Variants in CFL2 observed in about 807,000 individuals in gnomAD.
CFL2 encodes the protein cofilin 2, also known as cofilin-2.
Under a neutral mutation model 19.6 loss-of-function variants are expected in CFL2, and 10 were observed. That is an observed-to-expected ratio of 0.51 (90% CI 0.31 to 0.86). CFL2 has a LOEUF of 0.86. Among genes scored for constraint, CFL2 ranks in the 40% least tolerant of loss-of-function variants. The pLI is 0.04. For synonymous variants in CFL2, 63 were observed against 66.7 expected, an observed-to-expected ratio of 0.95 and a Z score of 0.27; for missense variants, 125 against 192.1, an observed-to-expected ratio of 0.65 and a Z score of 2.06.
Position 34,710,894 on chromosome 14 carries a change from T to C in CFL2, c.*1971A>G, listed in dbSNP as rs1885263443. The C allele has an allele frequency of 4.4e-6, 2 of 453,978 alleles. No individual in the cohort carries two copies. Among genetic ancestry groups the C allele is most frequent in the South Asian group, 3.1e-5 (2 of 64,478 alleles). The allele number at this position is 453,978 out of a possible 1,614,324, so 28.1% of individuals were successfully genotyped here. A position where few individuals can be genotyped will look rare whatever the true frequency, so the allele number is the denominator to read the frequency against. Reference sequence around the variant, plus strand: ...AATAACTCAATGAAAAATTCCATGGTGCCAAGTATCAGTTACACATATGGT... The same window carrying C: ...AATAACTCAATGAAAAATTCCATGGCGCCAAGTATCAGTTACACATATGGT... On this transcript the variant is annotated 3_prime_UTR_variant, in exon 4 of 4. Coordinates refer to ENST00000298159, the MANE Select transcript of CFL2 (RefSeq NM_138638.5).
Position 34,711,471 on chromosome 14 carries a change from AT to A in CFL2, c.*1393del, listed in dbSNP as rs5807790. 339,055 of 454,354 alleles carry A rather than the reference AT, an allele frequency of 0.75. 129,835 individuals carry two copies. The highest frequency in any genetic ancestry group is 0.83 in the Middle Eastern group (1,198 of 1,444). The allele number at this position is 454,354 out of a possible 1,614,324, so 28.1% of individuals were successfully genotyped here. A position where few individuals can be genotyped will look rare whatever the true frequency, so the allele number is the denominator to read the frequency against. On this transcript the variant is annotated 3_prime_UTR_variant, in exon 4 of 4. Transcript: ENST00000298159. ...CCCACTACTAATGTTTAAGACTGCT[AT>A]TATCAATTCCTATTCCAATTCAATT...
chr14:34,712,139 C>T lies in CFL2; in HGVS notation c.*726G>A, dbSNP rs1361457387. 1 of 454,482 alleles carries T rather than the reference C, an allele frequency of 2.2e-6. No individual in the cohort carries two copies. Among genetic ancestry groups the T allele is most frequent in the Admixed American group, 2.3e-5 (1 of 42,560 alleles). 28.2% of individuals were successfully genotyped at this position (454,482 alleles called of 1,614,324 possible). On this transcript the variant is annotated 3_prime_UTR_variant, in exon 4 of 4. Transcript: ENST00000298159. ...CCATCATGACTGATATTCAAAATAT[C>T]TTTAGTGTTGCAGGACTCACATGGT...
chr14:34,712,002 G>A lies in CFL2; in HGVS notation c.*863C>T, dbSNP rs1420518658. On this transcript the variant is annotated 3_prime_UTR_variant, in exon 4 of 4. Coordinates refer to ENST00000298159, the MANE Select transcript of CFL2 (RefSeq NM_138638.5). Reference sequence around the variant, plus strand: ...TTGCAAAATTTCCAAGGAAAACAAGGCAACGTTCTGTAATATGCCACAATT... The same window carrying A: ...TTGCAAAATTTCCAAGGAAAACAAGACAACGTTCTGTAATATGCCACAATT... 2 of 454,276 alleles carry A rather than the reference G, an allele frequency of 4.4e-6. No homozygotes were observed. The highest frequency in any genetic ancestry group is 2.0e-5 in the African/African-American group (1 of 49,972). 28.1% of individuals were successfully genotyped at this position (454,276 alleles called of 1,614,324 possible).
At position 34,711,829 on chromosome 14, in the gene CFL2, C is replaced by T. The variant is rs150492527; in HGVS notation, c.*1036G>A. The T allele has an allele frequency of 4.8e-3, 2,167 of 453,706 alleles. 9 individuals are homozygous for T. The highest frequency in any genetic ancestry group is 0.024 in the Middle Eastern group (35 of 1,440). The allele number at this position is 453,706 out of a possible 1,614,324, so 28.1% of individuals were successfully genotyped here. On this transcript the variant is annotated 3_prime_UTR_variant, in exon 4 of 4. Coordinates refer to ENST00000298159, the MANE Select transcript of CFL2 (RefSeq NM_138638.5). ...AACAATGGTATTTTATATTAGTTGG[C>T]CTTAAGATAGAATACTTTTTAAACC...
At chr14:34,713,887 T>A in intron 1 of CFL2, 4 of 1,391,580 alleles carry the variant, frequency 2.9e-6, no homozygotes, top group Non-Finnish European at 3.8e-6. Flanking sequence ...CCTTCTGTAT[T>A]GTGTCAACTC....
chr14:34,714,455 TA>T, intron 1 of CFL2, 82 bp downstream of exon 1: 2 of 1,501,716 alleles, frequency 1.3e-6, no homozygotes, highest in Middle Eastern at 2.2e-4. Flanking sequence ...AAAATCAGGT[TA>T]AAATGGCGGC....
rs1019833263 is a variant in CFL2, at chr14:34,714,478, G to A, written c.3+60C>T. On this transcript the variant is annotated intron_variant, in intron 1 of 3. Transcript: ENST00000298159. ...GTTAAAATGGCGGCCTCACTCCCGG[G>A]GCCGTGCGGGGGGCTTTTCTCGCCT... 4 of 1,532,972 alleles carry A rather than the reference G, an allele frequency of 2.6e-6. No individual in the cohort carries two copies. In the African/African-American group the frequency reaches 4.3e-5, roughly 16 times the overall value. The allele number at this position is 1,532,972 out of a possible 1,614,324, so 95.0% of individuals were successfully genotyped here.
rs1885311116 is a variant in CFL2, at chr14:34,711,924, T to C, written c.*941A>G. 1 of 454,330 alleles carries C rather than the reference T, an allele frequency of 2.2e-6. No individual in the cohort carries two copies. The highest frequency in any genetic ancestry group is 2.0e-5 in the African/African-American group (1 of 50,002). 28.1% of individuals were successfully genotyped at this position (454,330 alleles called of 1,614,324 possible). The stretch of plus-strand genomic sequence containing the variant: ...ACAAAAAAAATTCTCAAATGACCAG[T>C]GCAGAGATTAGTAATAGCTGTTTTT... On this transcript the variant is annotated 3_prime_UTR_variant, in exon 4 of 4. Coordinates refer to ENST00000298159, the MANE Select transcript of CFL2 (RefSeq NM_138638.5).
Position 34,711,777 on chromosome 14 carries a change from CTAA to C in CFL2, c.*1085_*1087del, listed in dbSNP as rs1333216118. On this transcript the variant is annotated 3_prime_UTR_variant, in exon 4 of 4. Coordinates refer to ENST00000298159, the MANE Select transcript of CFL2 (RefSeq NM_138638.5). ...TATTAACACATAGGAAATAAATACA[CTAA>C]TGTTTATAAAAGTACCATTCTTTAA... The C allele has an allele frequency of 6.7e-6, 3 of 445,948 alleles. No homozygotes were observed. The highest frequency in any genetic ancestry group is 2.5e-5 in the Admixed American group (1 of 40,378). The allele number at this position is 445,948 out of a possible 1,614,324, so 27.6% of individuals were successfully genotyped here.
intron 1 of CFL2, chr14:34,713,831 T>TGGAAAC: frequency 6.4e-7 from 1 of 1,557,264 alleles, no homozygotes; most frequent in Non-Finnish European, 8.7e-7. Context: ...AAATGTTTCC[T>TGGAAAC]ATTTCACTGG....
chr14:34,711,923 G>C lies in CFL2; in HGVS notation c.*942C>G, dbSNP rs1367157528. On this transcript the variant is annotated 3_prime_UTR_variant, in exon 4 of 4. Coordinates refer to ENST00000298159, the MANE Select transcript of CFL2 (RefSeq NM_138638.5). Reference sequence around the variant, plus strand: ...TACAAAAAAAATTCTCAAATGACCAGTGCAGAGATTAGTAATAGCTGTTTT... The same window carrying C: ...TACAAAAAAAATTCTCAAATGACCACTGCAGAGATTAGTAATAGCTGTTTT... The C allele has an allele frequency of 2.2e-6, 1 of 454,376 alleles. No homozygotes were observed. Among genetic ancestry groups the C allele is most frequent in the Admixed American group, 2.3e-5 (1 of 42,560 alleles). The allele number at this position is 454,376 out of a possible 1,614,324, so 28.1% of individuals were successfully genotyped here. A position where few individuals can be genotyped will look rare whatever the true frequency, so the allele number is the denominator to read the frequency against.
intron 2 of CFL2, 54 bp from the exon 3 acceptor site, chr14:34,713,190 G>C: frequency 6.5e-7 from 1 of 1,547,918 alleles, no homozygotes; most frequent in South Asian, 1.2e-5. Context: ...ACAAAGGTAA[G>C]ACTGACTATG....
Position 34,712,848 on chromosome 14 carries a change from G to A in CFL2, c.*17C>T, listed in dbSNP as rs1333180131. On this transcript the variant is annotated 3_prime_UTR_variant, in exon 4 of 4. Transcript: ENST00000298159. ...AATGGAAGCTCCTTAAGATCCAGAT[G>A]GCACTTGACTGTCATTTTATAATGG... 1.6e-6 allele frequency: 2 copies of A among 1,266,774 alleles called. No individual in the cohort carries two copies. The highest frequency in any genetic ancestry group is 2.3e-6 in the Non-Finnish European group (2 of 862,992). The allele number at this position is 1,266,774 out of a possible 1,614,324, so 78.5% of individuals were successfully genotyped here.
In CFL2 at chr14:34,710,792, A is replaced by T. The variant is rs746602646; in HGVS notation, c.*2073T>A. ...TGAAATTACTAGAGGCATACAAGAA[A>T]GTTAAGGAATCAGCTACAAAAACAA... On this transcript the variant is annotated 3_prime_UTR_variant, in exon 4 of 4. Transcript: ENST00000298159. The T allele has an allele frequency of 2.2e-6, 1 of 452,330 alleles. No homozygotes were observed. Among genetic ancestry groups the T allele is most frequent in the South Asian group, 1.6e-5 (1 of 63,876 alleles). The allele number at this position is 452,330 out of a possible 1,614,324, so 28.0% of individuals were successfully genotyped here. A position where few individuals can be genotyped will look rare whatever the true frequency, so the allele number is the denominator to read the frequency against.
Position 34,712,945 on chromosome 14 carries a change from C to G in CFL2, c.421G>C (p.Asp141His). The change falls in exon 4 of 4, where the codon GAT (aspartate) becomes CAT (histidine). Residue 141 changes from aspartate (D) to histidine (H), a missense_variant. Transcript: ENST00000298159. ...AGTGTCGAACGGTCCTTAATATCAT[C>G]CAAGCCATTTACTTGCCACTCATGT... is the stretch of plus-strand genomic sequence containing the variant. ...IKHEWQVNGL[D>H]DIKDRSTLGE... is the part of the protein sequence containing the mutation. The G allele has an allele frequency of 1.9e-6, 3 of 1,611,148 alleles. No individual in the cohort carries two copies. The highest frequency in any genetic ancestry group is 2.5e-6 in the Non-Finnish European group (3 of 1,177,312).
At chr14:34,714,469 C>T (rs1387981228) in intron 1 of CFL2, 69 bp downstream of exon 1, 2 of 1,512,478 alleles carry the variant, frequency 1.3e-6, no homozygotes, top group South Asian at 1.2e-5. Context: ...ATGGCGGCCT[C>T]ACTCCCGGGG....
chr14:34,710,914 T>A lies in CFL2; in HGVS notation c.*1951A>T, dbSNP rs963565613. ...CATGGTGCCAAGTATCAGTTACACA[T>A]ATGGTTAAGTATACGTCAGTATTCT... is the stretch of plus-strand genomic sequence containing the variant. On this transcript the variant is annotated 3_prime_UTR_variant, in exon 4 of 4. Coordinates refer to ENST00000298159, the MANE Select transcript of CFL2 (RefSeq NM_138638.5). 4 of 453,984 alleles carry A rather than the reference T, an allele frequency of 8.8e-6. No individual in the cohort carries two copies. The highest frequency in any genetic ancestry group is 1.8e-5 in the Non-Finnish European group (4 of 226,806). 28.1% of individuals were successfully genotyped at this position (453,984 alleles called of 1,614,324 possible).
intron 1 of CFL2, 122 bp from the exon 2 acceptor site, chr14:34,713,683 C>T (rs751383784): frequency 1.2e-6 from 2 of 1,612,902 alleles, no homozygotes; most frequent in African/African-American, 1.3e-5. Context: ...CCATGTAAGT[C>T]GTCCAATCAG....
chr14:34,713,907 T>TA (rs1885406413), intron 1 of CFL2: 11 of 1,223,756 alleles, frequency 9.0e-6, no homozygotes, highest in Admixed American at 2.9e-5. Flanking sequence ...CGGCTGGCCT[T>TA]AAAAAAACAC....
Sources: allele counts gnomAD v4.1 joint callset, GRCh38; gene constraint gnomAD v4.1.1; transcripts MANE v1.5; gene names NCBI Gene and HGNC (gene_info 2026-07-23, HGNC 2026-07-21).